Variants in TYW1 observed in about 807,000 individuals in gnomAD.
TYW1 encodes the protein S-adenosyl-L-methionine-dependent tRNA 4-demethylwyosine synthase TYW1.
Under a neutral mutation model 96.2 loss-of-function variants are expected in TYW1, and 46 were observed. That is an observed-to-expected ratio of 0.48 (90% CI 0.38 to 0.61). The LOEUF (loss-of-function observed/expected upper bound fraction) is 0.61. Ranked by LOEUF, TYW1 falls within the 20% of genes least tolerant of loss-of-function variation. The pLI is 0.00. For synonymous variants in TYW1, 274 were observed against 323.0 expected, an observed-to-expected ratio of 0.85 and a Z score of 1.63; for missense variants, 684 against 909.6, an observed-to-expected ratio of 0.75 and a Z score of 3.19.
intron 8 of TYW1, among the ~76,000 whole-genome samples, chr7:67,054,071 T>C (rs1314646511): frequency 6.6e-6 from 1 of 152,236 alleles, no homozygotes; most frequent in Non-Finnish European, 1.5e-5. Flanking sequence ...CACCATCCTT[T>C]GTTGCCTGAT....
At chr7:67,020,579 G>T (rs1449472592) in intron 6 of TYW1, among the ~76,000 whole-genome samples, 1 of 152,242 alleles carries the variant, frequency 6.6e-6, no homozygotes, top group East Asian at 1.9e-4. Context: ...TTAACCTCCT[G>T]TTTAAAAGTG....
intron 10 of TYW1, among the ~76,000 whole-genome samples, chr7:67,070,642 T>A (rs138723777): frequency 0.013 from 1,973 of 152,308 alleles, 18 homozygotes; most frequent in Non-Finnish European, 0.019. Context: ...GTTTAGACAT[T>A]GTTTTCTTGG....
chr7:67,053,979 G>GC (rs1300854286), intron 8 of TYW1, among the ~76,000 whole-genome samples: 1 of 152,156 alleles, frequency 6.6e-6, no homozygotes, highest in African/African-American at 2.4e-5. Flanking sequence ...GTCTCTCTTT[G>GC]CTACATGGCC....
At chr7:67,169,589 T>C (rs1368431977) in intron 13 of TYW1, among the ~76,000 whole-genome samples, 4 of 152,128 alleles carry the variant, frequency 2.6e-5, no homozygotes, top group Non-Finnish European at 4.4e-5. Context: ...TTAGTAGAGA[T>C]GGAGTTTCAC....
At chr7:67,098,856 A>T (rs1423004660) in intron 12 of TYW1, 138 bp downstream of exon 12, 1 of 943,566 alleles carries the variant, frequency 1.1e-6, no homozygotes, top group African/African-American at 1.7e-5. Context: ...GGAGGTGAAG[A>T]TGGTCCTGCT....
At chr7:67,023,542 C>A (rs938260038) in intron 6 of TYW1, among the ~76,000 whole-genome samples, 4 of 151,942 alleles carry the variant, frequency 2.6e-5, no homozygotes, top group Non-Finnish European at 4.4e-5. Flanking sequence ...CTGAGGCGGG[C>A]GCGTCACCTG....
In TYW1 at chr7:67,084,555, G is replaced by C. The variant is rs1254003923; in HGVS notation, c.1384+1016G>C. 2.7e-5 allele frequency among the ~76,000 whole-genome samples: 4 copies of C among 148,302 alleles called. No homozygotes were observed. The East Asian group carries it at 7.9e-4, about 29-fold the overall frequency. On this transcript the variant is annotated intron_variant, in intron 11 of 15. Transcript: ENST00000359626. ...TTTTTTTTGGACCAGATCTCGCTCT[G>C]TCACCCAGGCTGGAGTATGTGGTGC...
intron 13 of TYW1, among the ~76,000 whole-genome samples, chr7:67,151,333 G>A (rs962464289): frequency 2.0e-5 from 3 of 151,976 alleles, no homozygotes; most frequent in Non-Finnish European, 2.9e-5. Flanking sequence ...ACAGGCATGA[G>A]CCGCTGTGCC....
At chr7:67,131,526 G>T (rs1166125784) in intron 13 of TYW1, among the ~76,000 whole-genome samples, 1 of 151,890 alleles carries the variant, frequency 6.6e-6, no homozygotes, top group Non-Finnish European at 1.5e-5. Flanking sequence ...TGTAATTGGT[G>T]TTTATCGTTC....
At chr7:67,154,795 T>C (rs1295941614) in intron 13 of TYW1, among the ~76,000 whole-genome samples, 1 of 152,174 alleles carries the variant, frequency 6.6e-6, no homozygotes, top group Non-Finnish European at 1.5e-5. Context: ...CCATTTCTTC[T>C]CTTTCTGGAA....
chr7:67,110,288 C>T (rs191559682), intron 12 of TYW1, among the ~76,000 whole-genome samples: 23 of 152,334 alleles, frequency 1.5e-4, no homozygotes, highest in African/African-American at 4.6e-4. Context: ...CTCACACGAT[C>T]AGGGCTGTGG....
intron 13 of TYW1, among the ~76,000 whole-genome samples, chr7:67,153,380 T>C (rs1422981229): frequency 2.0e-5 from 3 of 152,076 alleles, no homozygotes; most frequent in South Asian, 2.1e-4. Flanking sequence ...CGCTTGAACA[T>C]GGGAGGTGGA....
rs67162571 is a variant in TYW1 at position 67,029,382 on chromosome 7, CGTGTGTGT to C, written c.984+4387_984+4394del. Among the ~76,000 whole-genome samples the C allele has an allele frequency of 1.2e-3, 127 of 106,724 alleles. 3 individuals are homozygous for C. The highest frequency in any genetic ancestry group is 1.7e-3 in the Non-Finnish European group (87 of 52,546). 70.0% of individuals were successfully genotyped at this position (106,724 alleles called of 152,430 possible). On this transcript the variant is annotated intron_variant, in intron 7 of 15. Transcript: ENST00000359626. ...AAACTTAGTTAAATATGTGTGTGTG[CGTGTGTGT>C]GTGTGTGTGTGTGTGTGTGTGTGTG...
chr7:67,221,143 A>G lies in TYW1; in HGVS notation c.1978-17165A>G, dbSNP rs573348439. On this transcript the variant is annotated intron_variant, in intron 15 of 15. Coordinates refer to ENST00000359626, the MANE Select transcript of TYW1 (RefSeq NM_018264.4). Reference sequence around the variant, plus strand: ...GTCATTTCTCCTTTCAATTATATCAATATCTGCTTTGTATATGTTGATTAT... The same window carrying G: ...GTCATTTCTCCTTTCAATTATATCAGTATCTGCTTTGTATATGTTGATTAT... Among the ~76,000 whole-genome samples the G allele has an allele frequency of 6.6e-5, 10 of 152,328 alleles. No individual in the cohort carries two copies. The East Asian group carries it at 1.9e-3, about 29-fold the overall frequency.
At chr7:67,156,768 G>A (rs550177293) in intron 13 of TYW1, among the ~76,000 whole-genome samples, 20 of 151,730 alleles carry the variant, frequency 1.3e-4, no homozygotes, top group Non-Finnish European at 2.6e-4. Flanking sequence ...AGCTCAATAC[G>A]GTGCTGTGAT....
chr7:67,157,649 G>A (rs1396273036), intron 13 of TYW1, among the ~76,000 whole-genome samples: 3 of 152,104 alleles, frequency 2.0e-5, no homozygotes, highest in African/African-American at 4.8e-5. Flanking sequence ...TTGGCTGAAC[G>A]GATGCCCCTT....
chr7:67,105,065 G>A (rs1301895274), intron 12 of TYW1, among the ~76,000 whole-genome samples: 1 of 152,246 alleles, frequency 6.6e-6, no homozygotes, highest in Non-Finnish European at 1.5e-5. Context: ...CAGGGTGGCA[G>A]GGTTTCAAAG....
At chr7:67,058,812 A>AT (rs1197566858) in intron 9 of TYW1, among the ~76,000 whole-genome samples, 2 of 151,940 alleles carry the variant, frequency 1.3e-5, no homozygotes, top group African/African-American at 4.8e-5. Context: ...TGGGCCTGTG[A>AT]TTCGTCTTGA....
chr7:67,157,318 C>T (rs9692192), intron 13 of TYW1, among the ~76,000 whole-genome samples: 39,489 of 152,152 alleles, frequency 0.26, 5,603 homozygotes, highest in African/African-American at 0.38. Context: ...TGGAGTCTCG[C>T]TCTGTCACCC....
Sources: gnomAD v4.1 joint callset for allele counts (sites outside exome capture counted in the v4.1 genomes callset) on GRCh38, gnomAD v4.1.1 for gene constraint, MANE v1.5 for transcripts, NCBI Gene and HGNC (gene_info 2026-07-23, HGNC 2026-07-21) for gene names.